Variants in RTL4 observed in about 807,000 individuals in gnomAD.
The protein encoded by RTL4 is retrotransposon Gag like 4.
RTL4 carries 4 observed loss-of-function variants against 5.3 expected under a neutral mutation model. The ratio of observed to expected loss-of-function variants is 0.75; its 90% CI spans 0.37 to 1.72. The LOEUF is 1.72. Ranked by LOEUF, RTL4 falls within the 40% of genes most tolerant of loss-of-function variation. RTL4 has a pLI of 0.04. For missense variants in RTL4, 260 were observed against 227.1 expected, an observed-to-expected ratio of 1.14 and a Z score of -0.93; for synonymous variants, 98 against 87.3, an observed-to-expected ratio of 1.12 and a Z score of -0.68.
chrX:112,382,417 T>A, the RTL4 span, among the ~76,000 whole-genome samples: 1 of 111,173 alleles, frequency 9.0e-6, no homozygotes, highest in Non-Finnish European at 1.9e-5. Flanking sequence ...CTTAACTAGC[T>A]TTTTCTTTAA....
the RTL4 span, among the ~76,000 whole-genome samples, chrX:112,421,453 A>T: frequency 0.041 from 4,552 of 111,938 alleles, 246 homozygotes; most frequent in African/African-American, 0.14. Context: ...GTGCCTTCTG[A>T]ATTATCATGA....
chrX:112,089,104 A>C, the RTL4 span, among the ~76,000 whole-genome samples: 24 of 108,936 alleles, frequency 2.2e-4, no homozygotes, highest in Non-Finnish European at 3.3e-4. Flanking sequence ...TCTTTTTTTT[A>C]TTTTTCTTTT....
chrX:112,160,129 C>T, the RTL4 span, among the ~76,000 whole-genome samples: 10 of 112,211 alleles, frequency 8.9e-5, no homozygotes, highest in South Asian at 3.0e-3. Context: ...ATTAGTGTTG[C>T]GGCAGAATCT....
chrX:112,306,046 A>G, the RTL4 span, among the ~76,000 whole-genome samples: 1 of 111,203 alleles, frequency 9.0e-6, no homozygotes, highest in African/African-American at 3.3e-5. Context: ...GTGAAATGAG[A>G]TGGGATATGC....
At chrX:112,151,821 C>A in the RTL4 span, among the ~76,000 whole-genome samples, 3 of 111,868 alleles carry the variant, frequency 2.7e-5, no homozygotes, top group Non-Finnish European at 5.6e-5. Context: ...AGCCCTGACC[C>A]CATAGCTCCT....
chrX:112,237,471 C>T, the RTL4 span, among the ~76,000 whole-genome samples: 1 of 112,005 alleles, frequency 8.9e-6, no homozygotes, highest in African/African-American at 3.2e-5. Context: ...CTCTGAAGGT[C>T]AAGTTCATGA....
chrX:112,419,223 G>A, the RTL4 span, among the ~76,000 whole-genome samples: 1 of 102,098 alleles, frequency 9.8e-6, no homozygotes, highest in African/African-American at 3.5e-5. Flanking sequence ...ACCTGGGAGG[G>A]AGTCTGTCCC....
chrX:112,312,303 T>C, the RTL4 span, among the ~76,000 whole-genome samples: 13 of 111,772 alleles, frequency 1.2e-4, no homozygotes, highest in Non-Finnish European at 2.3e-4. Context: ...AATAAGATGG[T>C]ATCTGTAAAG....
the RTL4 span, among the ~76,000 whole-genome samples, chrX:112,181,496 G>GA: frequency 2.7e-5 from 3 of 111,423 alleles, no homozygotes; most frequent in Non-Finnish European, 5.7e-5. Flanking sequence ...TTGGTGGGGG[G>GA]AAGGGGGTCT....
the RTL4 span, among the ~76,000 whole-genome samples, chrX:112,388,927 A>T: frequency 0.013 from 1,495 of 111,982 alleles, 15 homozygotes; most frequent in African/African-American, 0.044. Flanking sequence ...CTGGCATTGT[A>T]GAATGAGTTG....
the RTL4 span, among the ~76,000 whole-genome samples, chrX:112,227,155 T>C: frequency 9.0e-6 from 1 of 111,017 alleles, no homozygotes; most frequent in African/African-American, 3.3e-5. Context: ...TGCCAGCACA[T>C]GCAGAAGTTA....
the RTL4 span, among the ~76,000 whole-genome samples, chrX:112,346,129 G>A: frequency 9.0e-6 from 1 of 111,646 alleles, no homozygotes; most frequent in African/African-American, 3.3e-5. Context: ...AGTAATGGGG[G>A]TAACTTTTTT....
chrX:112,314,045 A>G, the RTL4 span, among the ~76,000 whole-genome samples: 1 of 111,671 alleles, frequency 9.0e-6, no homozygotes, highest in Admixed American at 9.6e-5. Flanking sequence ...GGATCCTGTG[A>G]GAAAGTTATG....
At chrX:112,159,796 T>C in the RTL4 span, among the ~76,000 whole-genome samples, 1 of 110,898 alleles carries the variant, frequency 9.0e-6, no homozygotes, top group African/African-American at 3.3e-5. Context: ...TTCAGATTGG[T>C]CTTCTCAGGG....
At chrX:112,354,738 C>T in the RTL4 span, among the ~76,000 whole-genome samples, 2 of 110,845 alleles carry the variant, frequency 1.8e-5, no homozygotes, top group African/African-American at 6.6e-5. Context: ...ACAAATCCAA[C>T]CTTGTGACAG....
chrX:112,403,380 A>G, the RTL4 span, among the ~76,000 whole-genome samples: 3 of 112,244 alleles, frequency 2.7e-5, no homozygotes, highest in African/African-American at 9.7e-5. Flanking sequence ...GGTATTGGTC[A>G]TCTCTTTTTT....
At chrX:112,087,870 C>A in the RTL4 span, among the ~76,000 whole-genome samples, 1 of 111,474 alleles carries the variant, frequency 9.0e-6, no homozygotes, top group Non-Finnish European at 1.9e-5. Context: ...CTTTCTTCTC[C>A]CTTTCTGCCT....
the RTL4 span, among the ~76,000 whole-genome samples, chrX:112,427,026 T>C: frequency 9.0e-6 from 1 of 111,385 alleles, no homozygotes; most frequent in African/African-American, 3.3e-5. Context: ...AAAGAAATTA[T>C]ACCAATTCTC....
At chrX:112,097,068 T>G in the RTL4 span, among the ~76,000 whole-genome samples, 3 of 111,832 alleles carry the variant, frequency 2.7e-5, no homozygotes, top group Admixed American at 1.9e-4. Flanking sequence ...GTATGGGAAC[T>G]CTGAAATCAA....
Sources: allele counts gnomAD v4.1 joint callset (sites outside exome capture counted in the v4.1 genomes callset), GRCh38; gene constraint gnomAD v4.1.1; transcripts MANE v1.5; gene names NCBI Gene and HGNC (gene_info 2026-07-23, HGNC 2026-07-21).